The following ITPR2 variants were observed in gnomAD, a reference collection of about 807,000 sequenced individuals.
ITPR2 encodes the protein inositol 1,4,5-trisphosphate receptor type 2.
Under a neutral mutation model 317.1 loss-of-function variants are expected in ITPR2, and 207 were observed. The ratio of observed to expected loss-of-function variants is 0.65; its 90% confidence interval spans 0.58 to 0.73. The LOEUF (loss-of-function observed/expected upper bound fraction) is 0.73. Ranked by LOEUF, ITPR2 falls within the 30% of genes least tolerant of loss-of-function variation. ITPR2 has a pLI of 0.00. For missense variants in ITPR2, 2,613 were observed against 3,284.0 expected (o/e 0.80, Z 4.99); for synonymous variants, 1,156 against 1,149.1 (o/e 1.01, Z -0.12).
intron 44 of ITPR2, among the ~76,000 whole-genome samples, chr12:26,476,705 A>G (rs1942424968): frequency 6.6e-6 from 1 of 152,238 alleles, no homozygotes; most frequent in African/African-American, 2.4e-5. Flanking sequence ...CTTAGAGTGG[A>G]TAAAACTACT....
At position 26,475,330 on chromosome 12, in the gene ITPR2, T is replaced by C. The variant is rs1199167290; in HGVS notation, c.6308A>G (p.Asp2103Gly). ...EGGDDGVSPK[D>G]VGHNIYILAH... is the part of the protein sequence containing the mutation. ...CAGAATATAGATATTGTGTCCAACATCTTTTGGAGAAACACCATCATCTCC... is the reference window on the plus strand; with the variant it reads ...CAGAATATAGATATTGTGTCCAACACCTTTTGGAGAAACACCATCATCTCC... Residue 2103 changes from aspartate to glycine, a missense_variant, in exon 45 of 57, where the codon GAT becomes GGT. Asp to Gly is a moderately conservative substitution (Grantham distance 94, BLOSUM62 -1). Transcript: ENST00000381340. The C allele has an allele frequency of 6.2e-7, 1 of 1,613,976 alleles. No individual in the cohort carries two copies. Among genetic ancestry groups the C allele is most frequent in the Non-Finnish European group, 8.5e-7 (1 of 1,179,934 alleles).
chr12:26,776,721 C>G (rs994710409), intron 2 of ITPR2, among the ~76,000 whole-genome samples: 4 of 152,190 alleles, frequency 2.6e-5, no homozygotes, highest in Non-Finnish European at 2.9e-5. Context: ...TGCCATCAAC[C>G]TTTCCACCTT....
At chr12:26,681,765 G>A (rs752312568) in intron 13 of ITPR2, 109 bp downstream of exon 13, 39 of 710,232 alleles carry the variant, frequency 5.5e-5, no homozygotes, top group Non-Finnish European at 8.1e-5. Flanking sequence ...AAGCAAGTGT[G>A]CTATCGAGAA....
intron 45 of ITPR2, among the ~76,000 whole-genome samples, chr12:26,451,647 G>T (rs754579037): frequency 1.2e-4 from 19 of 152,058 alleles, no homozygotes; most frequent in Non-Finnish European, 2.1e-4. Context: ...CAAGAAATTT[G>T]CCAGAATTAA....
intron 2 of ITPR2, among the ~76,000 whole-genome samples, chr12:26,787,922 C>CTTT (rs71069268): frequency 2.5e-5 from 3 of 120,228 alleles, no homozygotes; most frequent in Admixed American, 8.6e-5. Context: ...GGTGACTATC[C>CTTT]TTTTTTTTTT....
Position 26,695,564 on chromosome 12 carries a change from C to T in ITPR2, c.996+42G>A, listed in dbSNP as rs370493011. Reference sequence around the variant, plus strand: ...CCAATCTATCCATATAAAATAATAACAATATGCTGAGATTTGTTGGAGAAA... The same window carrying T: ...CCAATCTATCCATATAAAATAATAATAATATGCTGAGATTTGTTGGAGAAA... On this transcript the variant is annotated intron_variant, in intron 10 of 56. Coordinates refer to ENST00000381340, the MANE Select transcript of ITPR2 (RefSeq NM_002223.4). The T allele has an allele frequency of 5.7e-5, 87 of 1,532,254 alleles. No individual in the cohort carries two copies. In the African/African-American group the frequency reaches 1.1e-3, roughly 20 times the overall value. 94.9% of individuals were successfully genotyped at this position (1,532,254 alleles called of 1,614,324 possible). A position where few individuals can be genotyped will look rare whatever the true frequency, so the allele number is the denominator to read the frequency against.
rs61920649 is a variant in ITPR2, at chr12:26,808,785, A to G, written c.93-18558T>C. 4.6e-5 allele frequency among the ~76,000 whole-genome samples: 7 copies of G among 152,344 alleles called. 1 individual carries two copies. Among genetic ancestry groups the G allele is most frequent in the African/African-American group, 1.4e-4 (6 of 41,580 alleles). ...AAAGCATAAGCATAACTTGGCATCA[A>G]TATGTCTCAAAATGATTATGGAAAT... On this transcript the variant is annotated intron_variant, in intron 1 of 56. Transcript: ENST00000381340.
chr12:26,477,760 G>C (rs918079745), intron 43 of ITPR2, among the ~76,000 whole-genome samples: 1 of 152,018 alleles, frequency 6.6e-6, no homozygotes, highest in Non-Finnish European at 1.5e-5. Flanking sequence ...ATCCAAAATA[G>C]ATACTCAGAG....
chr12:26,453,692 G>A (rs910777462), intron 45 of ITPR2, among the ~76,000 whole-genome samples: 4 of 152,180 alleles, frequency 2.6e-5, no homozygotes, highest in Admixed American at 2.6e-4. Flanking sequence ...CAGATCCAGA[G>A]ATGACCAGGT....
intron 37 of ITPR2, among the ~76,000 whole-genome samples, chr12:26,549,765 TA>T (rs1944479919): frequency 1.3e-5 from 2 of 152,126 alleles, no homozygotes; most frequent in South Asian, 4.1e-4. Context: ...TAGTTAAGAA[TA>T]GAAACTGACT....
intron 55 of ITPR2, among the ~76,000 whole-genome samples, chr12:26,366,959 A>G (rs1453769503): frequency 6.6e-6 from 1 of 152,160 alleles, no homozygotes; most frequent in East Asian, 1.9e-4. Context: ...ATGACAGTCA[A>G]CTGAGGGCTT....
At chr12:26,625,868 A>ATT (rs375419043) in intron 23 of ITPR2, among the ~76,000 whole-genome samples, 1 of 151,432 alleles carries the variant, frequency 6.6e-6, no homozygotes, top group African/African-American at 2.4e-5. Context: ...GGGAAAGGGC[A>ATT]TTTTTTTTTC....
intron 13 of ITPR2, 142 bp downstream of exon 13, chr12:26,681,732 G>T: frequency 1.8e-6 from 1 of 543,160 alleles, no homozygotes; most frequent in Non-Finnish European, 3.2e-6. Flanking sequence ...TGATCAAGAG[G>T]AATAAGTTCC....
intron 13 of ITPR2, among the ~76,000 whole-genome samples, chr12:26,668,889 G>A (rs565662215): frequency 6.6e-6 from 1 of 152,270 alleles, no homozygotes; most frequent in Admixed American, 6.5e-5. Flanking sequence ...GGGAGGTTGA[G>A]GCAGGGGGAT....
intron 9 of ITPR2, among the ~76,000 whole-genome samples, chr12:26,699,107 C>T (rs1948399798): frequency 6.6e-6 from 1 of 151,878 alleles, no homozygotes; most frequent in Non-Finnish European, 1.5e-5. Flanking sequence ...AGTTTTCACT[C>T]AATACACATT....
At chr12:26,527,486 T>C (rs1943838802) in intron 37 of ITPR2, among the ~76,000 whole-genome samples, 1 of 152,248 alleles carries the variant, frequency 6.6e-6, no homozygotes, top group South Asian at 2.1e-4. Context: ...AGTTCAGGTA[T>C]ACTGGTAGAC....
rs560162119 is a variant in ITPR2 at position 26,405,655 on chromosome 12, T to C, written c.7400-5397A>G. On this transcript the variant is annotated intron_variant, in intron 52 of 56. Coordinates refer to ENST00000381340, the MANE Select transcript of ITPR2 (RefSeq NM_002223.4). ...TTTAATAATTAAATTCAGTGTTTGT[T>C]ATGGTTTCTTAGAAAACAAGGGATT... is the stretch of plus-strand genomic sequence containing the variant. Among the ~76,000 whole-genome samples, 4 of 152,334 alleles carry C rather than the reference T, an allele frequency of 2.6e-5. No homozygotes were observed. In the East Asian group the frequency reaches 7.7e-4, roughly 29 times the overall value.
chr12:26,482,142 C>T (rs7963493), intron 42 of ITPR2, among the ~76,000 whole-genome samples: 91,997 of 151,984 alleles, frequency 0.61, 32,700 homozygotes, highest in Non-Finnish European at 0.79. Context: ...CTTCATACAA[C>T]GGAGTTTTTA....
intron 37 of ITPR2, among the ~76,000 whole-genome samples, chr12:26,533,676 C>T (rs1379126949): frequency 1.3e-5 from 2 of 152,062 alleles, no homozygotes; most frequent in Non-Finnish European, 2.9e-5. Context: ...CACAGACACA[C>T]ATACAGAAGG....
Sources: gnomAD v4.1 joint callset for allele counts (sites outside exome capture counted in the v4.1 genomes callset) on GRCh38, gnomAD v4.1.1 for gene constraint, MANE v1.5 for transcripts, NCBI Gene and HGNC (gene_info 2026-07-23, HGNC 2026-07-21) for gene names.